Variants in KDM4B observed in about 807,000 individuals in gnomAD.
KDM4B encodes the protein lysine-specific demethylase 4B.
Under a neutral mutation model 125.2 loss-of-function variants are expected in KDM4B, and 32 were observed. That is an observed-to-expected ratio of 0.26 (90% CI 0.19 to 0.34). The LOEUF is 0.34. KDM4B is among the 10% of genes least tolerant of loss of function. The pLI is 1.00. For missense variants in KDM4B, 1,190 were observed against 1,577.7 expected (o/e 0.75, Z 4.16); for synonymous variants, 721 against 677.9 (o/e 1.06, Z -0.99).
chr19:5,093,040 C>T (rs915471214), intron 9 of KDM4B, among the ~76,000 whole-genome samples: 7 of 152,184 alleles, frequency 4.6e-5, no homozygotes, highest in African/African-American at 1.7e-4. Context: ...CCCTCCCCTC[C>T]TAGTGCTCTG....
At chr19:4,996,188 C>T (rs1419139079) in intron 1 of KDM4B, among the ~76,000 whole-genome samples, 1 of 152,092 alleles carries the variant, frequency 6.6e-6, no homozygotes, top group Non-Finnish European at 1.5e-5. Flanking sequence ...TGGGGTTTCT[C>T]CATGTTGGCC....
In KDM4B at chr19:5,141,944, T is replaced by G. The variant is rs1212455127; in HGVS notation, c.2551-2023T>G. 6.6e-6 allele frequency among the ~76,000 whole-genome samples: 1 copy of G among 151,810 alleles called. No homozygotes were observed. ...CTGCCCACAGTCCTGCCTGGAGGGG[T>G]AGGGCTCGGTCAGGAGGGAGGGGCT... is the stretch of plus-strand genomic sequence containing the variant. On this transcript the variant is annotated intron_variant, in intron 18 of 22. Coordinates refer to ENST00000159111, the MANE Select transcript of KDM4B (RefSeq NM_015015.3). This position sits in a 1 kb window ranked among gnomAD's most constrained non-coding sequence, Gnocchi z 6.4.
chr19:5,120,481 C>T (rs1040825665), intron 11 of KDM4B, among the ~76,000 whole-genome samples: 2 of 146,670 alleles, frequency 1.4e-5, no homozygotes, highest in South Asian at 4.5e-4. Flanking sequence ...CCTCCCCACT[C>T]TCCCGGGGCT....
At position 5,064,544 on chromosome 19, in the gene KDM4B, C is replaced by CTGGCCG. The variant is rs1351298811; in HGVS notation, c.627-6463_627-6462insCCGTGG. Among the ~76,000 whole-genome samples the CTGGCCG allele has an allele frequency of 2.0e-5, 3 of 152,284 alleles. No homozygotes were observed. The East Asian group carries it at 5.8e-4, about 30-fold the overall frequency. On this transcript the variant is annotated intron_variant, in intron 6 of 22. Coordinates refer to ENST00000159111, the MANE Select transcript of KDM4B (RefSeq NM_015015.3). ...GCTTCCGCTGGCAGGAGCTGTCAGG[C>CTGGCCG]TGGGCCGTGGGTTGGATTCCAAGTG... is the stretch of plus-strand genomic sequence containing the variant.
At chr19:5,119,143 C>T (rs1568308815) in intron 10 of KDM4B, 1 of 1,533,686 alleles carries the variant, frequency 6.5e-7, no homozygotes. Flanking sequence ...AGAAAACAGA[C>T]ACTGGAGAAA....
At chr19:5,023,411 C>T (rs938556621) in intron 2 of KDM4B, among the ~76,000 whole-genome samples, 17 of 152,216 alleles carry the variant, frequency 1.1e-4, no homozygotes, top group Non-Finnish European at 1.8e-4. Flanking sequence ...GGGCTGGGGC[C>T]GAGTGGCGTT....
intron 9 of KDM4B, among the ~76,000 whole-genome samples, chr19:5,086,125 C>G (rs1165844609): frequency 6.6e-6 from 1 of 152,156 alleles, no homozygotes; most frequent in East Asian, 1.9e-4. Flanking sequence ...GCTTTCCACC[C>G]CCTCGATTTG....
intron 1 of KDM4B, among the ~76,000 whole-genome samples, chr19:4,998,881 C>G (rs1030234552): frequency 2.0e-4 from 30 of 152,168 alleles, no homozygotes; most frequent in African/African-American, 7.0e-4. Context: ...CAGGAAAGTC[C>G]TGGAGCCGAC....
chr19:5,113,914 C>T, intron 10 of KDM4B: 1 of 1,208,950 alleles, frequency 8.3e-7, no homozygotes, highest in South Asian at 1.5e-5. Context: ...GATGGTTCGG[C>T]ACAGCTGCCT....
intron 9 of KDM4B, among the ~76,000 whole-genome samples, chr19:5,090,411 C>CCCATAT (rs768035468): frequency 4.2e-5 from 3 of 70,668 alleles, no homozygotes; most frequent in Non-Finnish European, 5.6e-5. Flanking sequence ...TCTCTCTCCC[C>CCCATAT]CTCTCCCCCT....
intron 2 of KDM4B, among the ~76,000 whole-genome samples, chr19:5,027,846 T>C (rs1451011228): frequency 6.6e-6 from 1 of 152,198 alleles, no homozygotes; most frequent in Non-Finnish European, 1.5e-5. Context: ...CAGCCTTCTT[T>C]TTAATTTTTT....
chr19:5,082,144 G>T lies in KDM4B; in HGVS notation c.781-223G>T, dbSNP rs919147587. The stretch of plus-strand genomic sequence containing the variant: ...AGGGGCCCGGCTGAGCCGAGTGGAG[G>T]TTGCAGAGCTGTGGCTGCGGCTGCT... On this transcript the variant is annotated intron_variant, in intron 8 of 22. Transcript: ENST00000159111. The surrounding 1 kb of genome is among the most constrained non-coding windows in gnomAD (Gnocchi z 5.4). 4.6e-5 allele frequency among the ~76,000 whole-genome samples: 7 copies of T among 152,242 alleles called. No individual in the cohort carries two copies. The highest frequency in any genetic ancestry group is 1.4e-4 in the African/African-American group (6 of 41,466).
rs779243475 is a variant in KDM4B at position 5,039,901 on chromosome 19, G to A, written c.207G>A (p.Pro69=). 12 of 1,612,982 alleles carry A rather than the reference G, an allele frequency of 7.4e-6. 1 individual carries two copies. The highest frequency in any genetic ancestry group is 2.2e-5 in the South Asian group (2 of 91,082). Reference sequence around the variant, plus strand: ...ATGACATCGACGACGTGGTGATCCCGGCGCCCATCCAGCAGGTGGTGACGG... The same window carrying A: ...ATGACATCGACGACGTGGTGATCCCAGCGCCCATCCAGCAGGTGGTGACGG... ...TYDDIDDVVI[P]APIQQVVTGQ... is the part of the protein sequence containing the mutation. Residue 69 remains proline, a synonymous_variant, in exon 4 of 23, where the codon CCG becomes CCA. Transcript: ENST00000159111.
chr19:5,054,703 C>T (rs1356942300), intron 6 of KDM4B, among the ~76,000 whole-genome samples: 1 of 152,208 alleles, frequency 6.6e-6, no homozygotes, highest in Non-Finnish European at 1.5e-5. Context: ...GCATTGCAGC[C>T]GTGTGGCCTA....
chr19:5,059,765 G>C (rs1437322009), intron 6 of KDM4B, among the ~76,000 whole-genome samples: 1 of 141,684 alleles, frequency 7.1e-6, no homozygotes, highest in Non-Finnish European at 1.5e-5. Flanking sequence ...TGTGGGTGCC[G>C]GTGATGAAAT....
chr19:5,014,179 C>T (rs1184754456), intron 1 of KDM4B, among the ~76,000 whole-genome samples: 1 of 152,212 alleles, frequency 6.6e-6, no homozygotes, highest in Non-Finnish European at 1.5e-5. Context: ...CAGGGTCTCG[C>T]TCTGTCGCCC....
chr19:5,138,305 A>G (rs2039684505), intron 18 of KDM4B: 1 of 549,522 alleles, frequency 1.8e-6, no homozygotes, highest in Non-Finnish European at 3.3e-6. Flanking sequence ...TGGCAGAGAT[A>G]AGCAGGCCCC....
chr19:5,025,986 A>G (rs1051133541), intron 2 of KDM4B, among the ~76,000 whole-genome samples: 1 of 151,932 alleles, frequency 6.6e-6, no homozygotes, highest in African/African-American at 2.4e-5. Context: ...GGGTTCAGGC[A>G]GTTGTCCTGC....
chr19:5,046,538 G>A (rs1396648951), intron 5 of KDM4B, among the ~76,000 whole-genome samples: 1 of 152,208 alleles, frequency 6.6e-6, no homozygotes, highest in Non-Finnish European at 1.5e-5. Context: ...TCACGTTCAT[G>A]TGTGTCTGGG....
Sources: allele counts gnomAD v4.1 joint callset (sites outside exome capture counted in the v4.1 genomes callset), GRCh38; gene constraint gnomAD v4.1.1; non-coding constraint Gnocchi (gnomAD v3.1); transcripts MANE v1.5; gene names NCBI Gene and HGNC (gene_info 2026-07-23, HGNC 2026-07-21).